The following CCDC88C variants were observed in gnomAD, a reference collection of about 807,000 sequenced individuals.
The protein encoded by CCDC88C is protein Daple.
In CCDC88C, 131 loss-of-function variants were observed where a neutral mutation model predicts 198.8. The ratio of observed to expected loss-of-function variants is 0.66; its 90% CI spans 0.57 to 0.76. CCDC88C has a LOEUF of 0.76. Ranked by LOEUF, CCDC88C falls within the 30% of genes least tolerant of loss-of-function variation. The pLI is 0.00. For synonymous variants in CCDC88C, 1,166 were observed against 1,114.7 expected, an observed-to-expected ratio of 1.05 and a Z score of -0.92; for missense variants, 2,553 against 2,631.6, an observed-to-expected ratio of 0.97 and a Z score of 0.65.
intron 3 of CCDC88C, among the ~76,000 whole-genome samples, chr14:91,388,551 G>A (rs1382763474): frequency 2.0e-5 from 3 of 152,218 alleles, no homozygotes; most frequent in African/African-American, 7.2e-5. Flanking sequence ...GCAGCCTTGA[G>A]CAGACGGTGA....
At chr14:91,395,408 T>C (rs1885784742) in intron 3 of CCDC88C, among the ~76,000 whole-genome samples, 1 of 152,082 alleles carries the variant, frequency 6.6e-6, no homozygotes, top group Admixed American at 6.6e-5. Flanking sequence ...GCTCTACAGG[T>C]GAGGTTGGAC....
In CCDC88C at chr14:91,273,870, C is replaced by A. The variant is rs1173280715; in HGVS notation, c.5059-217G>T. ...CAGCATGGGACCACCAGGAAAGAAC[C>A]CCAGATTCCCCCCAGGCAACCCCCT... On this transcript the variant is annotated intron_variant, in intron 29 of 29. Coordinates refer to ENST00000389857, the MANE Select transcript of CCDC88C (RefSeq NM_001080414.4). This position sits in a 1 kb window ranked among gnomAD's most constrained non-coding sequence, Gnocchi z 5.6. 6.6e-6 allele frequency among the ~76,000 whole-genome samples: 1 copy of A among 152,118 alleles called. No individual in the cohort carries two copies. The highest frequency in any genetic ancestry group is 1.5e-5 in the Non-Finnish European group (1 of 68,028).
At chr14:91,351,351 C>T (rs1596101435) in intron 4 of CCDC88C, among the ~76,000 whole-genome samples, 1 of 152,230 alleles carries the variant, frequency 6.6e-6, no homozygotes, top group East Asian at 1.9e-4. Flanking sequence ...CCTCAGTACA[C>T]GGGCACACCC....
At chr14:91,281,110 C>T in intron 27 of CCDC88C, 1 of 482,674 alleles carries the variant, frequency 2.1e-6, no homozygotes, top group Admixed American at 2.3e-5. Context: ...CTATGGGCAA[C>T]TGCAGCCAAG....
intron 4 of CCDC88C, among the ~76,000 whole-genome samples, chr14:91,346,793 G>C (rs1893561635): frequency 6.6e-6 from 1 of 152,172 alleles, no homozygotes; most frequent in South Asian, 2.1e-4. Flanking sequence ...CAGCTGCTTG[G>C]GAGGTTGAGG....
intron 3 of CCDC88C, among the ~76,000 whole-genome samples, chr14:91,404,826 G>A (rs897837394): frequency 6.6e-6 from 1 of 152,080 alleles, no homozygotes; most frequent in Non-Finnish European, 1.5e-5. Flanking sequence ...TTAGCCAGGA[G>A]TGGTGGCAGG....
At chr14:91,417,109 C>G in intron 1 of CCDC88C, 5 of 702,938 alleles carry the variant, frequency 7.1e-6, no homozygotes, top group Non-Finnish European at 1.3e-5. Flanking sequence ...ATAAAAAGGA[C>G]TTTTCAATAA....
At chr14:91,407,107 G>T (rs898530715) in intron 3 of CCDC88C, among the ~76,000 whole-genome samples, 2 of 152,132 alleles carry the variant, frequency 1.3e-5, no homozygotes, top group Non-Finnish European at 2.9e-5. Flanking sequence ...ACAGGAGGAG[G>T]ACGGAAACAA....
At chr14:91,290,036 C>T (rs913336603) in intron 24 of CCDC88C, among the ~76,000 whole-genome samples, 3 of 152,054 alleles carry the variant, frequency 2.0e-5, no homozygotes, top group East Asian at 1.9e-4. Context: ...TTTGGGAGGC[C>T]GAGGTGGGTG....
intron 3 of CCDC88C, among the ~76,000 whole-genome samples, chr14:91,361,971 C>T (rs1398979440): frequency 4.6e-5 from 7 of 152,042 alleles, no homozygotes; most frequent in Admixed American, 1.3e-4. Context: ...CAGAGGCTCA[C>T]GCCTGCAATC....
intron 3 of CCDC88C, among the ~76,000 whole-genome samples, chr14:91,407,578 G>A (rs796842370): frequency 1.6e-4 from 24 of 152,316 alleles, no homozygotes; most frequent in African/African-American, 5.8e-4. Flanking sequence ...AGGCCGAGGA[G>A]ACAGCTGAGC....
chr14:91,276,724 T>G (rs908118843), intron 29 of CCDC88C, among the ~76,000 whole-genome samples: 3 of 152,180 alleles, frequency 2.0e-5, no homozygotes, highest in African/African-American at 7.2e-5. Context: ...GTTTTAAGAA[T>G]CCTCAAAAGG....
intron 4 of CCDC88C, among the ~76,000 whole-genome samples, chr14:91,355,498 G>A (rs926442360): frequency 6.6e-6 from 1 of 152,148 alleles, no homozygotes; most frequent in African/African-American, 2.4e-5. Context: ...TCCCCTCCCC[G>A]GGGGCGTGGG....
intron 3 of CCDC88C, among the ~76,000 whole-genome samples, chr14:91,390,369 C>T (rs1484390617): frequency 6.6e-6 from 1 of 152,248 alleles, no homozygotes; most frequent in Non-Finnish European, 1.5e-5. Context: ...CGTTATCAGA[C>T]TGGAGAGGGT....
At chr14:91,347,717 C>T (rs1893609056) in intron 4 of CCDC88C, among the ~76,000 whole-genome samples, 1 of 152,174 alleles carries the variant, frequency 6.6e-6, no homozygotes, top group African/African-American at 2.4e-5. Flanking sequence ...GAAACAGGAA[C>T]ACTTTTACAC....
At chr14:91,332,265 G>A (rs184203444) in intron 10 of CCDC88C, among the ~76,000 whole-genome samples, 2 of 152,228 alleles carry the variant, frequency 1.3e-5, no homozygotes, top group Non-Finnish European at 2.9e-5. Context: ...CAGCCCTGAG[G>A]GCAACCCCCA....
At chr14:91,276,832 A>G (rs1889985377) in intron 29 of CCDC88C, among the ~76,000 whole-genome samples, 1 of 152,268 alleles carries the variant, frequency 6.6e-6, no homozygotes, top group South Asian at 2.1e-4. Flanking sequence ...GCTTCAAAAA[A>G]GCTAAACGAA....
At chr14:91,293,578 CTG>C (rs1427866289) in intron 23 of CCDC88C, among the ~76,000 whole-genome samples, 2 of 147,052 alleles carry the variant, frequency 1.4e-5, no homozygotes, top group Admixed American at 6.8e-5. Flanking sequence ...GCCCACCTTC[CTG>C]TCCCCTCGCC....
At position 91,273,122 on chromosome 14, in the gene CCDC88C, C is replaced by G; in HGVS notation, c.5590G>C (p.Val1864Leu). Residue 1864 changes from valine to leucine, a missense_variant, in exon 30 of 30, where the codon GTG (valine) becomes CTG (leucine). Physicochemically the swap from Val to Leu is conservative, Grantham distance 32 (BLOSUM62 1). This residue lies in a region of CCDC88C where 1,293 missense variants were observed against 1,219.6 expected (regional missense o/e 1.06). Transcript: ENST00000389857. This position sits in a 1 kb window ranked among gnomAD's most constrained non-coding sequence, Gnocchi z 5.6. ...HSLARERTPLVGKAGSSCQGP... is the reference protein window; with the variant it reads ...HSLARERTPLLGKAGSSCQGP... Reference sequence around the variant, plus strand: ...TGACAGGAGCTGCCAGCCTTTCCCACAAGTGGGGTCCGCTCCCGGGCCAGG... The same window carrying G: ...TGACAGGAGCTGCCAGCCTTTCCCAGAAGTGGGGTCCGCTCCCGGGCCAGG... 6.4e-7 allele frequency: 1 copy of G among 1,573,508 alleles called. No homozygotes were observed. The highest frequency in any genetic ancestry group is 2.3e-5 in the East Asian group (1 of 42,746).
Sources: gnomAD v4.1 joint callset for allele counts (sites outside exome capture counted in the v4.1 genomes callset) on GRCh38, gnomAD v4.1.1 for gene constraint, gnomAD v4.1.1 regional missense constraint, Gnocchi (gnomAD v3.1) non-coding constraint, MANE v1.5 for transcripts, NCBI Gene and HGNC (gene_info 2026-07-23, HGNC 2026-07-21) for gene names.